Variants in ASTN2 observed in about 807,000 individuals in gnomAD.
ASTN2 encodes astrotactin 2.
In ASTN2, 54 loss-of-function variants were observed where a neutral mutation model predicts 139.8. That is an observed-to-expected ratio of 0.39 (90% confidence interval 0.31 to 0.48). The LOEUF (loss-of-function observed/expected upper bound fraction) is 0.48, where lower values mean the gene tolerates loss of function less well. ASTN2 is among the 20% of genes least tolerant of loss of function. The probability of loss-of-function intolerance (pLI) is 0.95; values close to 1 mark genes in which losing one functional copy is unlikely to be tolerated. For missense variants in ASTN2, 1,565 were observed against 1,725.1 expected (o/e 0.91, Z 1.64); for synonymous variants, 756 against 719.5 (o/e 1.05, Z -0.81).
chr9:116,804,339 G>A (rs1830974880), intron 13 of ASTN2, among the ~76,000 whole-genome samples: 1 of 152,020 alleles, frequency 6.6e-6, no homozygotes, highest in Non-Finnish European at 1.5e-5. Flanking sequence ...TTTCTCAATT[G>A]TAAAATGGAG....
intron 2 of ASTN2, among the ~76,000 whole-genome samples, chr9:117,220,516 C>T (rs1832478638): frequency 6.6e-6 from 1 of 152,026 alleles, no homozygotes; most frequent in Non-Finnish European, 1.5e-5. Flanking sequence ...TAAAGTGGGC[C>T]CTAAATCCAA....
At chr9:116,627,269 G>A (rs1856513276) in intron 17 of ASTN2, among the ~76,000 whole-genome samples, 1 of 152,136 alleles carries the variant, frequency 6.6e-6, no homozygotes, top group Non-Finnish European at 1.5e-5. Flanking sequence ...GCCGAGCAAT[G>A]GGAAGTAGAA....
At position 117,087,842 on chromosome 9, in the gene ASTN2, T is replaced by C. The variant is rs114779224; in HGVS notation, c.1276+8202A>G. Among the ~76,000 whole-genome samples the C allele has an allele frequency of 6.3e-3, 954 of 152,324 alleles. 7 individuals carry two copies. The highest frequency in any genetic ancestry group is 0.02 in the African/African-American group (817 of 41,578). ...ATGGCAGAGCAAAGATCTGAACCCATGTCTACTGATTCCAGTGCTTATGTA... is the reference window on the plus strand; with the variant it reads ...ATGGCAGAGCAAAGATCTGAACCCACGTCTACTGATTCCAGTGCTTATGTA... On this transcript the variant is annotated intron_variant, in intron 5 of 22. Transcript: ENST00000313400.
chr9:117,222,234 C>A (rs1572309), intron 2 of ASTN2, among the ~76,000 whole-genome samples: 2 of 151,962 alleles, frequency 1.3e-5, no homozygotes, highest in Admixed American at 1.3e-4. Flanking sequence ...TTCAAGTCCT[C>A]ATCATCTATC....
intron 11 of ASTN2, among the ~76,000 whole-genome samples, chr9:116,834,467 A>T (rs997665690): frequency 1.3e-5 from 2 of 152,128 alleles, no homozygotes; most frequent in Admixed American, 6.6e-5. Flanking sequence ...CACATTTTGC[A>T]GTTCTGTTGT....
chr9:116,960,785 C>A (rs780662263), intron 10 of ASTN2, among the ~76,000 whole-genome samples: 1 of 152,136 alleles, frequency 6.6e-6, no homozygotes, highest in Non-Finnish European at 1.5e-5. Context: ...TCAGCTTACA[C>A]AGGAAACCAA....
At chr9:117,010,177 T>C (rs995910356) in intron 6 of ASTN2, among the ~76,000 whole-genome samples, 2 of 151,938 alleles carry the variant, frequency 1.3e-5, no homozygotes, top group African/African-American at 4.8e-5. Flanking sequence ...AAAGCAAAAA[T>C]GGAAGGAGTT....
chr9:116,936,542 C>T (rs1307505561), intron 10 of ASTN2, among the ~76,000 whole-genome samples: 1 of 152,192 alleles, frequency 6.6e-6, no homozygotes, highest in Non-Finnish European at 1.5e-5. Flanking sequence ...GTCCTCTGGT[C>T]ACCAAACCCA....
chr9:117,107,822 C>T (rs772375770), intron 4 of ASTN2, among the ~76,000 whole-genome samples: 16 of 152,158 alleles, frequency 1.1e-4, no homozygotes, highest in Non-Finnish European at 1.9e-4. Flanking sequence ...TGCTTCTAAA[C>T]CAAAGTAAAG....
Position 116,967,856 on chromosome 9 carries a change from G to C in ASTN2, c.1889+7352C>G, listed in dbSNP as rs560199009. On this transcript the variant is annotated intron_variant, in intron 10 of 22. Transcript: ENST00000313400. ...CCCAACCCTCCCTTCTGCCATCAAT[G>C]CTCCTGCCATCAATGCACAATGTGA... Among the ~76,000 whole-genome samples the C allele has an allele frequency of 2.6e-5, 4 of 152,142 alleles. No individual in the cohort carries two copies. The East Asian group carries it at 7.8e-4, about 30-fold the overall frequency.
At chr9:116,991,356 G>A (rs886684319) in intron 7 of ASTN2, among the ~76,000 whole-genome samples, 1 of 152,078 alleles carries the variant, frequency 6.6e-6, no homozygotes, top group Non-Finnish European at 1.5e-5. Flanking sequence ...CATTTCAAAT[G>A]GTTTCCTAGA....
At chr9:116,656,831 A>G (rs1354269433) in intron 16 of ASTN2, among the ~76,000 whole-genome samples, 1 of 152,174 alleles carries the variant, frequency 6.6e-6, no homozygotes, top group East Asian at 1.9e-4. Flanking sequence ...TGGGAGAGCC[A>G]AAGCTGCACG....
At chr9:117,331,815 T>C (rs557188192) in intron 1 of ASTN2, among the ~76,000 whole-genome samples, 1 of 152,294 alleles carries the variant, frequency 6.6e-6, no homozygotes, top group South Asian at 2.1e-4. Flanking sequence ...GCAAAAACAC[T>C]TAGGGAGGGA....
chr9:117,287,657 C>T (rs1889654), intron 2 of ASTN2, among the ~76,000 whole-genome samples: 57,512 of 152,028 alleles, frequency 0.38, 12,031 homozygotes, highest in East Asian at 0.57. Context: ...GCCTGGCATA[C>T]AGTAAATACT....
chr9:117,382,966 G>A (rs1468765816), intron 1 of ASTN2, among the ~76,000 whole-genome samples: 2 of 152,162 alleles, frequency 1.3e-5, no homozygotes, highest in African/African-American at 4.8e-5. Flanking sequence ...AACTTTTTTA[G>A]TGAAGGGCCA....
chr9:116,859,615 G>A (rs1361475409), intron 11 of ASTN2, among the ~76,000 whole-genome samples: 1 of 152,234 alleles, frequency 6.6e-6, no homozygotes, highest in Non-Finnish European at 1.5e-5. Context: ...AATGTTGGAA[G>A]TCAAACAAAG....
At chr9:116,616,976 C>CT (rs765483454) in intron 19 of ASTN2, among the ~76,000 whole-genome samples, 87 of 152,142 alleles carry the variant, frequency 5.7e-4, no homozygotes, top group Non-Finnish European at 1.0e-3. Context: ...TCAGAATTAA[C>CT]AAAGTTTGAA....
At chr9:117,273,696 C>T (rs1017009408) in intron 2 of ASTN2, among the ~76,000 whole-genome samples, 2 of 152,184 alleles carry the variant, frequency 1.3e-5, no homozygotes, top group African/African-American at 4.8e-5. Flanking sequence ...AATATATACC[C>T]TTTCACATGG....
intron 19 of ASTN2, among the ~76,000 whole-genome samples, chr9:116,577,006 T>A (rs1853750615): frequency 6.6e-6 from 1 of 152,228 alleles, no homozygotes; most frequent in African/African-American, 2.4e-5. Context: ...CCAGGAGCTC[T>A]GCTAAGGACT....
Sources: gnomAD v4.1 joint callset for allele counts (sites outside exome capture counted in the v4.1 genomes callset) on GRCh38, gnomAD v4.1.1 for gene constraint, MANE v1.5 for transcripts, NCBI Gene and HGNC (gene_info 2026-07-23, HGNC 2026-07-21) for gene names.